The following MIB1 variants were observed in gnomAD, a reference collection of about 807,000 sequenced individuals.
MIB1 encodes E3 ubiquitin-protein ligase MIB1.
A neutral mutation model predicts 124.5 loss-of-function variants in MIB1; 278 were observed. That is an observed-to-expected ratio of 2.23 (90% CI 2.02 to 2.47). The LOEUF is 2.47. Ranked by LOEUF, MIB1 falls within the 30% of genes most tolerant of loss-of-function variation. The pLI, the probability that MIB1 is intolerant of heterozygous loss-of-function variation, is 0.00. For synonymous variants in MIB1, 446 were observed against 429.4 expected, an observed-to-expected ratio of 1.04 and a Z score of -0.48; for missense variants, 957 against 1,254.4, an observed-to-expected ratio of 0.76 and a Z score of 3.58.
intron 1 of MIB1, among the ~76,000 whole-genome samples, chr18:21,748,805 T>C (rs1179803645): frequency 6.7e-6 from 1 of 148,970 alleles, no homozygotes; most frequent in African/African-American, 2.5e-5. Context: ...TGATTATAGC[T>C]CATTGCAACC....
upstream of MIB1, among the ~76,000 whole-genome samples, chr18:21,739,866 G>T (rs1326620530): frequency 6.6e-6 from 1 of 151,460 alleles, no homozygotes; most frequent in African/African-American, 2.4e-5. Context: ...GGGGAACGGA[G>T]ATGGCGCCAC....
chr18:21,721,178 T>TG (rs2040713918), intron 1 of MIB1, among the ~76,000 whole-genome samples: 1 of 111,396 alleles, frequency 9.0e-6, no homozygotes, highest in South Asian at 3.4e-4. Context: ...TTTTTTTTTT[T>TG]TTTTTTTTTT....
chr18:21,840,649 ATATATATATATATATATTTT>A (rs369805989), intron 13 of MIB1, among the ~76,000 whole-genome samples: 33,329 of 71,166 alleles, frequency 0.47, 4,670 homozygotes, highest in East Asian at 0.62. Flanking sequence ...ATATATATAT[ATATATATATATATATATTTT>A]TTTTTTTTTT....
chr18:21,769,365 G>T (rs1461639542), intron 3 of MIB1, among the ~76,000 whole-genome samples: 1 of 152,144 alleles, frequency 6.6e-6, no homozygotes. Context: ...CGTGAGTCAG[G>T]CTCACTTGGG....
At chr18:21,732,054 G>A (rs556212306) in intron 1 of MIB1, among the ~76,000 whole-genome samples, 33 of 151,762 alleles carry the variant, frequency 2.2e-4, no homozygotes, top group Admixed American at 4.6e-4. Context: ...TGGCAGGCGC[G>A]GTGGCTCATG....
chr18:21,857,240 ATC>A lies in MIB1; in HGVS notation c.2778_2779del (p.Ser927LysfsTer13). 1 of 1,607,174 alleles carries A rather than the reference ATC, an allele frequency of 6.2e-7. No individual in the cohort carries two copies. Among genetic ancestry groups the A allele is most frequent in the Non-Finnish European group, 8.5e-7 (1 of 1,173,640 alleles). ...GKSSEDATDDISSGNIPVLQK... is the reference protein window; with the variant it reads ...GKSSEDATDDXSSGNIPVLQK... ...AAGTTCAGAAGATGCCACTGATGAT[ATC>A]TGTAAGTCGATTGTCTTAAGCATTT... On this transcript the variant is annotated frameshift_variant and splice_region_variant, in exon 19 of 21. Transcript: ENST00000261537. LOFTEE classifies it high-confidence loss of function.
chr18:21,794,800 G>A (rs751030329), intron 7 of MIB1, among the ~76,000 whole-genome samples: 17 of 152,090 alleles, frequency 1.1e-4, no homozygotes, highest in Non-Finnish European at 1.5e-4. Context: ...CAGTGAGATC[G>A]CATTTAAGAT....
chr18:21,714,923 G>T (rs2040682741), intron 1 of MIB1, among the ~76,000 whole-genome samples: 1 of 152,182 alleles, frequency 6.6e-6, no homozygotes, highest in South Asian at 2.1e-4. Flanking sequence ...CTCATGAAAA[G>T]GCAGTAAATT....
chr18:21,707,350 G>T (rs927477729), intron 1 of MIB1, among the ~76,000 whole-genome samples: 1 of 152,096 alleles, frequency 6.6e-6, no homozygotes, highest in Non-Finnish European at 1.5e-5. Flanking sequence ...AACAGACCAG[G>T]CAGCTCTCTG....
At position 21,849,203 on chromosome 18, in the gene MIB1, G is replaced by C; in HGVS notation, c.2401G>C (p.Val801Leu). 1 of 1,551,762 alleles carries C rather than the reference G, an allele frequency of 6.4e-7. No homozygotes were observed. The highest frequency in any genetic ancestry group is 8.7e-7 in the Non-Finnish European group (1 of 1,150,092). Reference protein sequence around the residue: ...KCHKEKVSGQVGSRSPSMISN... With the variant: ...KCHKEKVSGQLGSRSPSMISN... ...AATACTTTCTTTTATTAGTGGTCAAGTGGGTTCTCGGAGTCCTTCTATGAT... is the reference window on the plus strand; with the variant it reads ...AATACTTTCTTTTATTAGTGGTCAACTGGGTTCTCGGAGTCCTTCTATGAT... Residue 801 changes from valine to leucine, a missense_variant, in exon 17 of 21, where the codon GTG (valine) becomes CTG (leucine). Transcript: ENST00000261537.
intron 13 of MIB1, among the ~76,000 whole-genome samples, chr18:21,839,616 T>C (rs992732200): frequency 1.3e-5 from 2 of 152,160 alleles, no homozygotes; most frequent in African/African-American, 4.8e-5. Flanking sequence ...GCAGTCCTCC[T>C]GCCTCCCAAG....
At chr18:21,783,177 T>A (rs1385514077) in intron 6 of MIB1, among the ~76,000 whole-genome samples, 2 of 152,074 alleles carry the variant, frequency 1.3e-5, no homozygotes, top group Non-Finnish European at 2.9e-5. Context: ...TGAAATGAAT[T>A]TCTTGTAGGG....
intron 1 of MIB1, among the ~76,000 whole-genome samples, chr18:21,725,817 T>C (rs1195731473): frequency 6.7e-6 from 1 of 150,276 alleles, no homozygotes; most frequent in East Asian, 1.9e-4. Context: ...GAAGGAAAAC[T>C]ATCAGGTTCT....
chr18:21,733,405 G>A (rs9946071), intron 1 of MIB1, among the ~76,000 whole-genome samples: 2,533 of 152,256 alleles, frequency 0.017, 64 homozygotes, highest in African/African-American at 0.054. Flanking sequence ...GGCTACCGGC[G>A]TGTGTACCCA....
chr18:21,807,682 C>T lies in MIB1; in HGVS notation c.1479+3668C>T, dbSNP rs924848920. Among the ~76,000 whole-genome samples, 3 of 152,114 alleles carry T rather than the reference C, an allele frequency of 2.0e-5. No individual in the cohort carries two copies. In the East Asian group the frequency reaches 5.8e-4, roughly 29 times the overall value. ...AGAAGCTAAGGATGCTACTGAATGT[C>T]CTACAGAGCTCAGGACAGCTCTCAC... On this transcript the variant is annotated intron_variant, in intron 10 of 20. Coordinates refer to ENST00000261537, the MANE Select transcript of MIB1 (RefSeq NM_020774.4).
chr18:21,863,623 A>G (rs925343984), intron 20 of MIB1, among the ~76,000 whole-genome samples: 1 of 152,118 alleles, frequency 6.6e-6, no homozygotes, highest in African/African-American at 2.4e-5. Context: ...TGGAGTCTTT[A>G]AAGGCACAAC....
chr18:21,726,153 G>A (rs1397236490), intron 1 of MIB1, among the ~76,000 whole-genome samples: 3 of 152,180 alleles, frequency 2.0e-5, no homozygotes, highest in Non-Finnish European at 4.4e-5. Flanking sequence ...GCTGAGGTGG[G>A]AAGATCACCA....
chr18:21,738,007 C>A (rs1443344321), upstream of MIB1, among the ~76,000 whole-genome samples: 1 of 152,178 alleles, frequency 6.6e-6, no homozygotes, highest in African/African-American at 2.4e-5. Context: ...GACTGGAACT[C>A]AGCTCTGGAC....
chr18:21,751,869 A>G (rs2040978935), intron 1 of MIB1, among the ~76,000 whole-genome samples: 1 of 152,206 alleles, frequency 6.6e-6, no homozygotes, highest in Admixed American at 6.5e-5. Context: ...TTGTTCTAGC[A>G]TTTAATGTTG....
Sources: allele counts gnomAD v4.1 joint callset (sites outside exome capture counted in the v4.1 genomes callset), GRCh38; gene constraint gnomAD v4.1.1; transcripts MANE v1.5; gene names NCBI Gene and HGNC (gene_info 2026-07-23, HGNC 2026-07-21).